The following MARCHF1 variants were observed in gnomAD, a reference collection of about 807,000 sequenced individuals.
MARCHF1 encodes the protein membrane associated ring-CH-type finger 1.
A neutral mutation model predicts 54.2 loss-of-function variants in MARCHF1; 40 were observed. The ratio of observed to expected loss-of-function variants is 0.74; its 90% CI spans 0.57 to 0.96. The LOEUF (loss-of-function observed/expected upper bound fraction) is 0.96, where lower values mean the gene tolerates loss of function less well. Among genes scored for constraint, MARCHF1 ranks in the 40% least tolerant of loss-of-function variants. The pLI, the probability that MARCHF1 is intolerant of heterozygous loss-of-function variation, is 0.00. For missense variants in MARCHF1, 586 were observed against 656.5 expected, an observed-to-expected ratio of 0.89 and a Z score of 1.17; for synonymous variants, 236 against 236.3, an observed-to-expected ratio of 1.00 and a Z score of 0.01.
intron 4 of MARCHF1, among the ~76,000 whole-genome samples, chr4:163,747,540 T>C (rs1183816637): frequency 1.3e-5 from 2 of 152,236 alleles, no homozygotes; most frequent in Non-Finnish European, 2.9e-5. Flanking sequence ...ACAAGCCATA[T>C]GCTCAAAATG....
intron 4 of MARCHF1, among the ~76,000 whole-genome samples, chr4:163,748,535 A>T (rs1746426876): frequency 6.6e-6 from 1 of 152,208 alleles, no homozygotes; most frequent in African/African-American, 2.4e-5. Flanking sequence ...GCATGCCAAC[A>T]GGGAAGAGCT....
intron 8 of MARCHF1, among the ~76,000 whole-genome samples, chr4:163,551,698 A>G (rs1231180319): frequency 6.6e-6 from 1 of 152,206 alleles, no homozygotes; most frequent in Non-Finnish European, 1.5e-5. Flanking sequence ...ATGTTATGAG[A>G]AGGACCTGGT....
At chr4:164,208,977 T>A (rs1046836964) in intron 1 of MARCHF1, among the ~76,000 whole-genome samples, 9 of 151,188 alleles carry the variant, frequency 6.0e-5, no homozygotes, top group Non-Finnish European at 1.3e-4. Flanking sequence ...TCTCTCTCTC[T>A]CACTTTCTCT....
chr4:164,023,767 A>G (rs979752344), intron 2 of MARCHF1, among the ~76,000 whole-genome samples: 2 of 152,186 alleles, frequency 1.3e-5, no homozygotes, highest in African/African-American at 4.8e-5. Context: ...CATAGAATTC[A>G]AAATCTGAAT....
At chr4:164,260,034 T>C (rs1733420060) in intron 1 of MARCHF1, among the ~76,000 whole-genome samples, 1 of 152,172 alleles carries the variant, frequency 6.6e-6, no homozygotes, top group Non-Finnish European at 1.5e-5. Flanking sequence ...TTTTAACATA[T>C]AACCGGGGTG....
At chr4:163,690,729 CA>C (rs1367599075) in intron 5 of MARCHF1, among the ~76,000 whole-genome samples, 4 of 152,178 alleles carry the variant, frequency 2.6e-5, no homozygotes, top group Admixed American at 6.5e-5. Flanking sequence ...CAGAATACAA[CA>C]GGAAGCCTTA....
intron 1 of MARCHF1, among the ~76,000 whole-genome samples, chr4:164,338,661 T>C (rs1022372904): frequency 1.3e-5 from 2 of 152,034 alleles, no homozygotes; most frequent in South Asian, 4.1e-4. Context: ...ATAAAGAAGG[T>C]CATTATATAA....
chr4:163,925,284 G>C (rs1483346477), intron 3 of MARCHF1, among the ~76,000 whole-genome samples: 1 of 151,828 alleles, frequency 6.6e-6, no homozygotes, highest in Non-Finnish European at 1.5e-5. Flanking sequence ...TAGAACCCCA[G>C]ATATGCAGTA....
At chr4:164,323,629 A>G (rs578149710) in intron 1 of MARCHF1, among the ~76,000 whole-genome samples, 3 of 143,470 alleles carry the variant, frequency 2.1e-5, no homozygotes, top group South Asian at 2.3e-4. Flanking sequence ...AAAAAGCAGC[A>G]TGAGTACTGA....
intron 1 of MARCHF1, among the ~76,000 whole-genome samples, chr4:164,299,483 A>G (rs1734495460): frequency 6.6e-6 from 1 of 152,148 alleles, no homozygotes; most frequent in South Asian, 2.1e-4. Context: ...GATTCATTTA[A>G]GGAAAATGAA....
chr4:163,631,725 A>G (rs1026049114), intron 5 of MARCHF1, among the ~76,000 whole-genome samples: 3 of 152,246 alleles, frequency 2.0e-5, no homozygotes, highest in African/African-American at 7.2e-5. Context: ...GAAGAAAAAC[A>G]TAGGGAAAAA....
At chr4:163,945,469 T>G (rs540871174) in intron 3 of MARCHF1, among the ~76,000 whole-genome samples, 1 of 152,318 alleles carries the variant, frequency 6.6e-6, no homozygotes, top group African/African-American at 2.4e-5. Context: ...AAATCACCAC[T>G]AATAATATTT....
intron 1 of MARCHF1, among the ~76,000 whole-genome samples, chr4:164,259,544 C>CAAAAAAAAAAAAAAAAAAAAAAA (rs141030578): frequency 8.5e-5 from 5 of 58,958 alleles, no homozygotes; most frequent in Admixed American, 5.1e-4. Context: ...GACCGTGTCT[C>CAAAAAAAAAAAAAAAAAAAAAAA]AAAAAAAAAA....
intron 2 of MARCHF1, among the ~76,000 whole-genome samples, chr4:164,069,794 C>G (rs62349971): frequency 0.68 from 102,953 of 152,028 alleles, 36,090 homozygotes; most frequent in Non-Finnish European, 0.78. Flanking sequence ...AAATCATTAT[C>G]GAAAAAAGAC....
chr4:164,151,947 G>A (rs1398888458), intron 1 of MARCHF1, among the ~76,000 whole-genome samples: 1 of 151,900 alleles, frequency 6.6e-6, no homozygotes, highest in Non-Finnish European at 1.5e-5. Flanking sequence ...TTTCTTGGTT[G>A]GGCAGCTGTT....
intron 1 of MARCHF1, among the ~76,000 whole-genome samples, chr4:164,297,957 A>G (rs1229488139): frequency 1.3e-5 from 2 of 152,134 alleles, no homozygotes; most frequent in Admixed American, 1.3e-4. Flanking sequence ...AAACCTTATG[A>G]TTTTTTATTC....
chr4:164,358,043 A>T (rs976633565), intron 1 of MARCHF1, among the ~76,000 whole-genome samples: 1 of 152,158 alleles, frequency 6.6e-6, no homozygotes, highest in African/African-American at 2.4e-5. Context: ...ATTTTTTCCT[A>T]ATAAATACAA....
intron 8 of MARCHF1, among the ~76,000 whole-genome samples, chr4:163,560,728 T>C (rs1389587685): frequency 6.6e-6 from 1 of 152,160 alleles, no homozygotes; most frequent in African/African-American, 2.4e-5. Flanking sequence ...AAGGTACAGG[T>C]CTTGTGTATT....
intron 4 of MARCHF1, among the ~76,000 whole-genome samples, chr4:163,808,380 G>T (rs1399229291): frequency 6.6e-6 from 1 of 152,046 alleles, no homozygotes; most frequent in Non-Finnish European, 1.5e-5. Flanking sequence ...AATTTGATAT[G>T]CCACTGCTAA....
Sources: gnomAD v4.1 joint callset for allele counts (sites outside exome capture counted in the v4.1 genomes callset) on GRCh38, gnomAD v4.1.1 for gene constraint, MANE v1.5 for transcripts, NCBI Gene and HGNC (gene_info 2026-07-23, HGNC 2026-07-21) for gene names.